Variants in MAF observed in about 807,000 individuals in gnomAD.
MAF encodes the protein transcription factor Maf.
In MAF, 10 loss-of-function variants were observed where a neutral mutation model predicts 22.0. The ratio of observed to expected loss-of-function variants is 0.45; its 90% CI spans 0.28 to 0.77. The LOEUF is 0.77. Ranked by LOEUF, MAF falls within the 30% of genes least tolerant of loss-of-function variation. MAF has a pLI of 0.12. For missense variants in MAF, 544 were observed against 548.4 expected (o/e 0.99, Z 0.08); for synonymous variants, 337 against 255.8 (o/e 1.32, Z -3.03).
downstream of MAF, among the ~76,000 whole-genome samples, chr16:79,581,719 C>G (rs1375268047): frequency 6.6e-6 from 1 of 152,198 alleles, no homozygotes; most frequent in Non-Finnish European, 1.5e-5. Context: ...AAACACAATC[C>G]TACCGACAAA....
the MAF span, among the ~76,000 whole-genome samples, chr16:79,224,195 G>A: frequency 6.6e-6 from 1 of 152,164 alleles, no homozygotes; most frequent in Non-Finnish European, 1.5e-5. Context: ...GGGATGCAAG[G>A]CTGGTTTAAC....
the MAF span, among the ~76,000 whole-genome samples, chr16:79,474,858 G>GT: frequency 6.6e-6 from 1 of 152,132 alleles, no homozygotes; most frequent in Admixed American, 6.5e-5. Flanking sequence ...TGCCATCACT[G>GT]TATCAGGAGA....
chr16:79,353,640 C>G, the MAF span, among the ~76,000 whole-genome samples: 1 of 152,008 alleles, frequency 6.6e-6, no homozygotes, highest in Non-Finnish European at 1.5e-5. Context: ...TTTAATTCCC[C>G]TAAGAGCCCT....
the MAF span, among the ~76,000 whole-genome samples, chr16:79,469,760 C>T: frequency 1.3e-5 from 2 of 151,984 alleles, no homozygotes. Context: ...CCTTGTCTGG[C>T]TAATTTTTGT....
At chr16:79,387,051 A>G in the MAF span, among the ~76,000 whole-genome samples, 1 of 152,216 alleles carries the variant, frequency 6.6e-6, no homozygotes, top group Admixed American at 6.5e-5. Flanking sequence ...TGTCTACTCA[A>G]AAAAGTCACA....
chr16:79,589,274 T>G (rs866031503), downstream of MAF, among the ~76,000 whole-genome samples: 1 of 152,156 alleles, frequency 6.6e-6, no homozygotes, highest in South Asian at 2.1e-4. Context: ...CTGTATGAAA[T>G]CCAAGAATGC....
At chr16:79,433,478 C>G in the MAF span, among the ~76,000 whole-genome samples, 65 of 151,778 alleles carry the variant, frequency 4.3e-4, no homozygotes, top group African/African-American at 1.5e-3. Context: ...GAATGTGGCT[C>G]TGAGCTTCTT....
chr16:79,597,070 C>T, intron 1 of MAF: 1 of 1,057,656 alleles, frequency 9.5e-7, no homozygotes, highest in Non-Finnish European at 1.1e-6. Context: ...GCAAAGACTA[C>T]ACATACCCAA....
the MAF span, among the ~76,000 whole-genome samples, chr16:79,572,496 T>C: frequency 3.7e-3 from 568 of 152,316 alleles, 1 homozygote; most frequent in Non-Finnish European, 6.0e-3. Context: ...GTCTCTTTTA[T>C]CTGGTGGAGA....
At chr16:79,378,053 A>T in the MAF span, among the ~76,000 whole-genome samples, 1 of 152,166 alleles carries the variant, frequency 6.6e-6, no homozygotes, top group Non-Finnish European at 1.5e-5. Context: ...AGGTTTTCCC[A>T]ATTCTGTGGA....
the MAF span, among the ~76,000 whole-genome samples, chr16:79,414,505 C>T: frequency 2.6e-5 from 4 of 152,196 alleles, no homozygotes; most frequent in Non-Finnish European, 5.9e-5. Context: ...AGGGATCTGC[C>T]TCCAGGACCC....
At chr16:79,520,512 T>C in the MAF span, among the ~76,000 whole-genome samples, 18 of 152,202 alleles carry the variant, frequency 1.2e-4, no homozygotes, top group African/African-American at 4.3e-4. Flanking sequence ...CTTGCATGCG[T>C]CCCCCAGGGT....
the MAF span, among the ~76,000 whole-genome samples, chr16:79,283,992 G>T: frequency 3.6e-5 from 1 of 27,764 alleles, no homozygotes; most frequent in African/African-American, 1.2e-4. Flanking sequence ...AAAAGACAAA[G>T]CCCCATAGTA....
At chr16:79,492,993 C>G in the MAF span, among the ~76,000 whole-genome samples, 3 of 151,792 alleles carry the variant, frequency 2.0e-5, no homozygotes, top group Non-Finnish European at 4.4e-5. Context: ...GAGACTCACT[C>G]TGTCATCCAG....
chr16:79,287,382 G>A, the MAF span, among the ~76,000 whole-genome samples: 3 of 152,170 alleles, frequency 2.0e-5, no homozygotes, highest in Admixed American at 6.5e-5. Flanking sequence ...GCCCCTTCCC[G>A]GTGAGGCGGG....
At chr16:79,597,134 C>A (rs972310576) in intron 1 of MAF, 42 of 1,057,236 alleles carry the variant, frequency 4.0e-5, no homozygotes, top group Non-Finnish European at 4.8e-5. Context: ...TTAAACAGTC[C>A]CCTTGCAAAC....
At chr16:79,210,629 C>T in the MAF span, among the ~76,000 whole-genome samples, 3 of 152,288 alleles carry the variant, frequency 2.0e-5, no homozygotes, top group East Asian at 3.9e-4. Flanking sequence ...CATAAATAAT[C>T]ATAAGATGCC....
At chr16:79,300,558 CA>C in the MAF span, among the ~76,000 whole-genome samples, 4 of 87,666 alleles carry the variant, frequency 4.6e-5, no homozygotes, top group Non-Finnish European at 2.3e-5. Context: ...CATCTCAAAA[CA>C]AACAAACAAA....
chr16:79,351,109 T>C, the MAF span, among the ~76,000 whole-genome samples: 1 of 152,210 alleles, frequency 6.6e-6, no homozygotes. Flanking sequence ...CTTGAAATGC[T>C]GCTTCACGAT....
Sources: gnomAD v4.1 joint callset for allele counts (sites outside exome capture counted in the v4.1 genomes callset) on GRCh38, gnomAD v4.1.1 for gene constraint, MANE v1.5 for transcripts, NCBI Gene and HGNC (gene_info 2026-07-23, HGNC 2026-07-21) for gene names.